Variants in SH3BP5 observed in about 807,000 individuals in gnomAD.
The protein encoded by SH3BP5 is SH3 domain-binding protein 5.
Under a neutral mutation model 43.3 loss-of-function variants are expected in SH3BP5, and 22 were observed. That is an observed-to-expected ratio of 0.51 (90% CI 0.36 to 0.73). The LOEUF is 0.73. Among genes scored for constraint, SH3BP5 ranks in the 30% least tolerant of loss-of-function variants. The probability of loss-of-function intolerance (pLI) is 0.00; values close to 1 mark genes in which losing one functional copy is unlikely to be tolerated. For synonymous variants in SH3BP5, 255 were observed against 225.8 expected (o/e 1.13, Z -1.16); for missense variants, 529 against 586.9 (o/e 0.90, Z 1.02).
intron 1 of SH3BP5, 103 bp downstream of exon 1, chr3:15,332,168 G>C (rs1035691627): frequency 7.3e-6 from 11 of 1,513,248 alleles, no homozygotes; most frequent in African/African-American, 1.4e-5. Flanking sequence ...GCCAGTCCCC[G>C]GACCACAGTT....
intron 2 of SH3BP5, among the ~76,000 whole-genome samples, chr3:15,310,533 G>A (rs143358133): frequency 6.6e-6 from 1 of 152,236 alleles, no homozygotes; most frequent in East Asian, 1.9e-4. Context: ...TGTCCAGGGA[G>A]GAGAGTAAGC....
intron 3 of SH3BP5, among the ~76,000 whole-genome samples, chr3:15,290,182 C>T (rs775606420): frequency 6.6e-6 from 1 of 151,766 alleles, no homozygotes; most frequent in Non-Finnish European, 1.5e-5. Flanking sequence ...CAGTTGAGGT[C>T]AGGAGTTTGA....
chr3:15,281,390 T>C (rs1412898118), intron 3 of SH3BP5, among the ~76,000 whole-genome samples: 1 of 152,136 alleles, frequency 6.6e-6, no homozygotes, highest in Non-Finnish European at 1.5e-5. Context: ...GAGCAGAGTA[T>C]ATCCCTGGCA....
chr3:15,276,642 T>A (rs971609920), intron 3 of SH3BP5, among the ~76,000 whole-genome samples: 9 of 151,880 alleles, frequency 5.9e-5, no homozygotes, highest in Non-Finnish European at 1.2e-4. Flanking sequence ...CGTGGTTAGC[T>A]CCAGCAACTG....
chr3:15,297,103 G>A (rs1697598739), intron 3 of SH3BP5, among the ~76,000 whole-genome samples: 1 of 152,134 alleles, frequency 6.6e-6, no homozygotes, highest in African/African-American at 2.4e-5. Context: ...GAGATTAATT[G>A]ATATGCTCGA....
chr3:15,262,026 G>T (rs746093365), intron 5 of SH3BP5, 133 bp downstream of exon 5: 4 of 957,410 alleles, frequency 4.2e-6, no homozygotes, highest in South Asian at 1.7e-5. Flanking sequence ...GAGCAGGGGG[G>T]CTCTGGTGAG....
chr3:15,278,941 G>A (rs1420857784), intron 3 of SH3BP5, among the ~76,000 whole-genome samples: 11 of 151,572 alleles, frequency 7.3e-5, no homozygotes, highest in African/African-American at 1.9e-4. Flanking sequence ...AGGCTGAGGC[G>A]GGCAGATCAC....
At chr3:15,316,299 A>G (rs1236133486) in intron 2 of SH3BP5, among the ~76,000 whole-genome samples, 1 of 131,100 alleles carries the variant, frequency 7.6e-6, no homozygotes, top group Admixed American at 9.7e-5. Context: ...ATCTTGGCTC[A>G]CTGCAACCTC....
chr3:15,338,545 G>A (rs1698728482), intron 1 of SH3BP5, among the ~76,000 whole-genome samples: 1 of 152,156 alleles, frequency 6.6e-6, no homozygotes, highest in African/African-American at 2.4e-5. Flanking sequence ...CAAACTGGAA[G>A]CGACTGGTGG....
At chr3:15,281,370 G>C (rs1249815332) in intron 3 of SH3BP5, among the ~76,000 whole-genome samples, 2 of 152,160 alleles carry the variant, frequency 1.3e-5, no homozygotes, top group African/African-American at 2.4e-5. Context: ...TGTGTCAAGA[G>C]AACCAGGAAG....
At chr3:15,316,796 C>A (rs147104124) in intron 2 of SH3BP5, among the ~76,000 whole-genome samples, 21 of 151,568 alleles carry the variant, frequency 1.4e-4, no homozygotes, top group African/African-American at 4.8e-4. Context: ...GCCCTTTAAA[C>A]GTGACAGCAA....
At chr3:15,328,003 C>T (rs2125144269) in intron 2 of SH3BP5, among the ~76,000 whole-genome samples, 1 of 152,256 alleles carries the variant, frequency 6.6e-6, no homozygotes, top group South Asian at 2.1e-4. Context: ...AAATTCATTT[C>T]AGCTGTTTCT....
At chr3:15,332,673 C>T (rs141386584), upstream of SH3BP5, 3,673 of 1,143,790 alleles carry the variant, frequency 3.2e-3, 9 homozygotes, top group Admixed American at 6.4e-3. Flanking sequence ...CGCGTTCCGC[C>T]GCCAGTCCCA....
intron 3 of SH3BP5, chr3:15,273,371 G>C (rs1354742402): frequency 2.0e-6 from 2 of 985,250 alleles, no homozygotes; most frequent in Admixed American, 1.2e-4. Flanking sequence ...CCTCTGCCAT[G>C]TATCTGATGA....
upstream of SH3BP5, chr3:15,333,104 A>G (rs996610224): frequency 2.9e-5 from 29 of 985,524 alleles, no homozygotes; most frequent in Non-Finnish European, 3.5e-5. Flanking sequence ...AGCCAGGAGC[A>G]TGGAGAATGC....
rs565464561 is a variant in SH3BP5 at position 15,294,330 on chromosome 3, T to TGTGTGTGTGC, written c.330+9772_330+9773insGCACACACAC. Among the ~76,000 whole-genome samples, 173 of 121,562 alleles carry TGTGTGTGTGC rather than the reference T, an allele frequency of 1.4e-3. 1 individual carries two copies. The highest frequency in any genetic ancestry group is 3.9e-3 in the Middle Eastern group (1 of 254). 79.7% of individuals were successfully genotyped at this position (121,562 alleles called of 152,430 possible). A position where few individuals can be genotyped will look rare whatever the true frequency, so the allele number is the denominator to read the frequency against. ...GTGTGTGTGTGTGTGTGTGTGTGTG[T>TGTGTGTGTGC]GCGCGCGCATGTTTACGTAACTCCC... On this transcript the variant is annotated intron_variant, in intron 3 of 8. Transcript: ENST00000383791.
intron 3 of SH3BP5, among the ~76,000 whole-genome samples, chr3:15,277,784 T>A (rs144638313): frequency 6.6e-6 from 1 of 151,206 alleles, no homozygotes; most frequent in Non-Finnish European, 1.5e-5. Flanking sequence ...GGGGTTTACT[T>A]GGGAATGGTT....
intron 3 of SH3BP5, among the ~76,000 whole-genome samples, chr3:15,295,465 G>A (rs921960329): frequency 2.0e-5 from 3 of 152,106 alleles, no homozygotes; most frequent in East Asian, 1.9e-4. Context: ...TGACATTTTT[G>A]TGCTTTTTGT....
rs747245905 is a variant in SH3BP5 at position 15,330,609 on chromosome 3, T to C, written c.139-43A>G. On this transcript the variant is annotated intron_variant, in intron 1 of 8. Transcript: ENST00000383791. ...GAGAAAAAAAGACTTAAGGGATCCG[T>C]CTTTTGTTTCCAATATAACTCAGTC... 7 of 1,505,494 alleles carry C rather than the reference T, an allele frequency of 4.6e-6. No homozygotes were observed. The Admixed American group carries it at 1.6e-4, about 33-fold the overall frequency. 93.3% of individuals were successfully genotyped at this position (1,505,494 alleles called of 1,614,324 possible). A position where few individuals can be genotyped will look rare whatever the true frequency, so the allele number is the denominator to read the frequency against.
Sources: allele counts gnomAD v4.1 joint callset (sites outside exome capture counted in the v4.1 genomes callset), GRCh38; gene constraint gnomAD v4.1.1; transcripts MANE v1.5; gene names NCBI Gene and HGNC (gene_info 2026-07-23, HGNC 2026-07-21).